TAPBPL: variants seen among roughly 807,000 people sequenced by gnomAD.
TAPBPL encodes tapasin-related protein.
In TAPBPL, 32 loss-of-function variants were observed where a neutral mutation model predicts 44.8. That is an observed-to-expected ratio of 0.71 (90% CI 0.54 to 0.96). The LOEUF (loss-of-function observed/expected upper bound fraction) is 0.96, where lower values mean the gene tolerates loss of function less well. TAPBPL is among the 40% of genes least tolerant of loss of function. The pLI, the probability that TAPBPL is intolerant of heterozygous loss-of-function variation, is 0.00. For missense variants in TAPBPL, 520 were observed against 586.6 expected (o/e 0.89, Z 1.17); for synonymous variants, 230 against 240.7 (o/e 0.96, Z 0.41).
downstream of TAPBPL, chr12:6,470,682 C>T (rs1592153814): frequency 3.0e-6 from 3 of 992,112 alleles, no homozygotes; most frequent in African/African-American, 3.2e-5. Flanking sequence ...CTTACTGCAG[C>T]TGCCGCGCCG....
chr12:6,465,411 TATGTATATATATATATAA>T (rs1949990702), downstream of TAPBPL: 1 of 70,328 alleles, frequency 1.4e-5, no homozygotes, highest in African/African-American at 4.5e-5. Context: ...AATGTATATA[TATGTATATATATATATAA>T]ATGTATATAT....
At chr12:6,464,491 A>C (rs1231372385), downstream of TAPBPL, 2 of 1,518,468 alleles carry the variant, frequency 1.3e-6, no homozygotes, top group East Asian at 4.9e-5. Context: ...AGTAGACTGG[A>C]CACAGGAATC....
chr12:6,464,528 GA>G, downstream of TAPBPL: 1 of 1,475,316 alleles, frequency 6.8e-7, no homozygotes, highest in East Asian at 2.5e-5. Flanking sequence ...AAAAGAGAAA[GA>G]GACAGGAGAA....
downstream of TAPBPL, chr12:6,463,693 A>G: frequency 9.0e-7 from 1 of 1,106,852 alleles, no homozygotes; most frequent in Non-Finnish European, 1.1e-6. This position sits in a 1 kb window ranked among gnomAD's most constrained non-coding sequence, Gnocchi z 4.0. Flanking sequence ...AGATGGATTT[A>G]TTTGGTGCCC....
downstream of TAPBPL, among the ~76,000 whole-genome samples, chr12:6,469,783 T>G (rs775269121): frequency 4.0e-5 from 6 of 151,780 alleles, no homozygotes; most frequent in Non-Finnish European, 5.9e-5. Context: ...GCGAAGGGGG[T>G]GATGTTGAAG....
chr12:6,470,434 G>A (rs369856287), downstream of TAPBPL: 517 of 1,575,372 alleles, frequency 3.3e-4, 2 homozygotes, highest in Non-Finnish European at 4.1e-4. Flanking sequence ...CGTTGCTGCA[G>A]CTGCTGCATT....
downstream of TAPBPL, chr12:6,471,126 T>G (rs551703897): frequency 9.3e-3 from 1,426 of 153,400 alleles, 25 homozygotes; most frequent in African/African-American, 0.033. This position sits in a 1 kb window ranked among gnomAD's most constrained non-coding sequence, Gnocchi z 4.0. Context: ...TGGCCCTCGC[T>G]CCGCACCACC....
intron 3 of TAPBPL, among the ~76,000 whole-genome samples, chr12:6,455,763 CTTTTTT>C (rs374886698): frequency 2.1e-4 from 29 of 136,980 alleles, no homozygotes; most frequent in Middle Eastern, 3.6e-3. Context: ...GCGAGACCCT[CTTTTTT>C]TTTTTTTTTT....
chr12:6,460,928 G>C lies in TAPBPL; in HGVS notation c.1281G>C (p.Gln427His), dbSNP rs750591790. The C allele has an allele frequency of 3.1e-6, 5 of 1,614,104 alleles. No individual in the cohort carries two copies. The Admixed American group carries it at 5.0e-5, about 16-fold the overall frequency. ...TTGCACTGATGTTCCTGGGGCTTCA[G>C]AGACGGCAAGGTAAGAGCCTGGGTG... ...FLLALMFLGL[Q>H]RRQAPTGLGL... Residue 427 changes from glutamine (Q) to histidine (H), a missense_variant, in exon 6 of 7, where the codon CAG becomes CAC. By Grantham distance (24) the Gln-to-His change is conservative. Transcript: ENST00000266556.
downstream of TAPBPL, chr12:6,470,719 C>T (rs1324860973): frequency 8.6e-6 from 6 of 694,246 alleles, no homozygotes; most frequent in Non-Finnish European, 1.5e-5. Context: ...GTGCTGACCA[C>T]GCCTCCCGGA....
downstream of TAPBPL, chr12:6,464,165 C>T: frequency 1.4e-6 from 2 of 1,432,186 alleles, no homozygotes; most frequent in Non-Finnish European, 1.9e-6. Flanking sequence ...ACTCCCCTCC[C>T]TGCCCCTTCC....
chr12:6,467,484 C>T (rs1945657728), downstream of TAPBPL, among the ~76,000 whole-genome samples: 1 of 152,160 alleles, frequency 6.6e-6, no homozygotes, highest in Admixed American at 6.5e-5. Flanking sequence ...CAGCATTTTG[C>T]CCCTGCCCTA....
chr12:6,464,132 T>C (rs544926462), downstream of TAPBPL: 1 of 1,366,774 alleles, frequency 7.3e-7, no homozygotes, highest in Non-Finnish European at 9.6e-7. Context: ...TCTGGGCAGC[T>C]TCATGGGTAC....
In TAPBPL at chr12:6,453,136, G is replaced by A; in HGVS notation, c.134G>A (p.Gly45Asp). 6.3e-7 allele frequency: 1 copy of A among 1,595,232 alleles called. No individual in the cohort carries two copies. The highest frequency in any genetic ancestry group is 1.1e-5 in the South Asian group (1 of 87,872). ...CTAGACTGCTTCCTGGCGAAGGACG[G>A]TGCGCACCGTGGAGCTCTCGCCAGC... Reference protein sequence around the residue: ...VVLDCFLAKDGAHRGALASSE... With the variant: ...VVLDCFLAKDDAHRGALASSE... The change falls in exon 2 of 7, where the codon GGT becomes GAT. Residue 45 changes from glycine to aspartate, a missense_variant. Gly to Asp is a moderately conservative substitution (Grantham distance 94). Transcript: ENST00000266556. The surrounding 1 kb of genome is among the most constrained non-coding windows in gnomAD (Gnocchi z 4.8).
intron 1 of TAPBPL, 135 bp from the exon 2 acceptor site, chr12:6,452,932 G>A (rs2136975687): frequency 2.2e-6 from 2 of 917,928 alleles, no homozygotes; most frequent in East Asian, 5.3e-5. Context: ...GAGAATAGAG[G>A]GACACAGAAA....
chr12:6,466,065 CA>C, downstream of TAPBPL: 1 of 1,612,096 alleles, frequency 6.2e-7, no homozygotes. Context: ...GGACAACAAC[CA>C]GAGAATCACA....
downstream of TAPBPL, chr12:6,463,801 TCA>T (rs1949938122): frequency 1.7e-6 from 2 of 1,189,870 alleles, no homozygotes; most frequent in African/African-American, 3.2e-5. The surrounding 1 kb of genome is among the most constrained non-coding windows in gnomAD (Gnocchi z 4.0). Flanking sequence ...CCTGCTATTT[TCA>T]CAATCCCTAA....
downstream of TAPBPL, chr12:6,463,971 G>A: frequency 7.7e-7 from 1 of 1,290,570 alleles, no homozygotes; most frequent in Non-Finnish European, 1.0e-6. This position sits in a 1 kb window ranked among gnomAD's most constrained non-coding sequence, Gnocchi z 4.0. Context: ...TCCACCCCCA[G>A]GACCCTCTTC....
chr12:6,460,764 C>G, intron 5 of TAPBPL, 91 bp from the exon 6 acceptor site: 1 of 1,243,144 alleles, frequency 8.0e-7, no homozygotes, highest in Non-Finnish European at 1.2e-6. Flanking sequence ...CAATCCTTAG[C>G]TCCTCCTCCC....
Sources: gnomAD v4.1 joint callset for allele counts (sites outside exome capture counted in the v4.1 genomes callset) on GRCh38, gnomAD v4.1.1 for gene constraint, Gnocchi (gnomAD v3.1) non-coding constraint, MANE v1.5 for transcripts, NCBI Gene and HGNC (gene_info 2026-07-23, HGNC 2026-07-21) for gene names.